NRXN3: variants seen among roughly 807,000 people sequenced by gnomAD.
The protein encoded by NRXN3 is neurexin 3.
Under a neutral mutation model 137.6 loss-of-function variants are expected in NRXN3, and 32 were observed. The ratio of observed to expected loss-of-function variants is 0.23; its 90% CI spans 0.18 to 0.31. The LOEUF (loss-of-function observed/expected upper bound fraction) is 0.31. Ranked by LOEUF, NRXN3 falls within the 10% of genes least tolerant of loss-of-function variation. NRXN3 has a pLI of 1.00. For synonymous variants in NRXN3, 798 were observed against 784.5 expected, an observed-to-expected ratio of 1.02 and a Z score of -0.29; for missense variants, 1,574 against 2,062.5, an observed-to-expected ratio of 0.76 and a Z score of 4.59.
chr14:79,485,351 C>G (rs147873843), intron 16 of NRXN3, among the ~76,000 whole-genome samples: 172 of 152,276 alleles, frequency 1.1e-3, no homozygotes, highest in South Asian at 2.1e-3. Flanking sequence ...CCACCACCCC[C>G]CAACTCCTGA....
chr14:79,171,124 A>G (rs2061734528), intron 15 of NRXN3, among the ~76,000 whole-genome samples: 1 of 152,058 alleles, frequency 6.6e-6, no homozygotes, highest in Non-Finnish European at 1.5e-5. Flanking sequence ...TACACTTCAA[A>G]AAAACATGCA....
At chr14:79,011,342 C>G (rs1331877259) in intron 15 of NRXN3, among the ~76,000 whole-genome samples, 1 of 144,284 alleles carries the variant, frequency 6.9e-6, no homozygotes, top group Non-Finnish European at 1.5e-5. Flanking sequence ...TCACAGGTTC[C>G]TTTTAATGGG....
intron 6 of NRXN3, among the ~76,000 whole-genome samples, chr14:78,653,269 T>C (rs1418314571): frequency 6.6e-6 from 1 of 152,146 alleles, no homozygotes; most frequent in Non-Finnish European, 1.5e-5. Flanking sequence ...TTACTCCTAT[T>C]TGGATAGAAT....
intron 10 of NRXN3, among the ~76,000 whole-genome samples, chr14:78,831,312 T>C (rs1437236204): frequency 1.3e-5 from 2 of 151,038 alleles, no homozygotes; most frequent in Non-Finnish European, 3.0e-5. Flanking sequence ...CTTTGGGAGG[T>C]GGATCACGAG....
At chr14:78,222,147 A>C (rs534904171) in intron 1 of NRXN3, among the ~76,000 whole-genome samples, 1 of 152,296 alleles carries the variant, frequency 6.6e-6, no homozygotes, top group South Asian at 2.1e-4. Flanking sequence ...CAGAGACATC[A>C]TTTGATTAGA....
chr14:78,933,224 C>T (rs79542944), intron 10 of NRXN3, among the ~76,000 whole-genome samples: 4,809 of 152,228 alleles, frequency 0.032, 249 homozygotes, highest in African/African-American at 0.11. Flanking sequence ...GAATGTGGCT[C>T]ATAGTTGGAG....
At chr14:78,665,058 G>A (rs1361216230) in intron 6 of NRXN3, among the ~76,000 whole-genome samples, 1 of 152,168 alleles carries the variant, frequency 6.6e-6, no homozygotes, top group Non-Finnish European at 1.5e-5. Flanking sequence ...TGTGGTGAAT[G>A]ACAGCATGTA....
intron 15 of NRXN3, among the ~76,000 whole-genome samples, chr14:78,996,845 C>T (rs568104851): frequency 3.3e-5 from 5 of 152,048 alleles, no homozygotes; most frequent in Non-Finnish European, 7.4e-5. Context: ...TTTTTATTCT[C>T]GGGCCCACAG....
At chr14:78,964,399 C>T (rs1199383243) in intron 11 of NRXN3, among the ~76,000 whole-genome samples, 2 of 152,234 alleles carry the variant, frequency 1.3e-5, no homozygotes, top group Non-Finnish European at 2.9e-5. Flanking sequence ...CTGTAACACC[C>T]ATTCTATGGA....
At chr14:78,446,866 G>A (rs2094433378) in intron 4 of NRXN3, among the ~76,000 whole-genome samples, 1 of 152,154 alleles carries the variant, frequency 6.6e-6, no homozygotes, top group Non-Finnish European at 1.5e-5. Context: ...ATCACTTCTA[G>A]GTGTCTAAGT....
Position 79,628,658 on chromosome 14 carries a change from A to C in NRXN3, c.3445-35120A>C, listed in dbSNP as rs12432291. On this transcript the variant is annotated intron_variant, in intron 16 of 20. Coordinates refer to ENST00000335750, the MANE Select transcript of NRXN3 (RefSeq NM_001330195.2). ...GCCTTCTGCTTAGGGAATGGCTAGC[A>C]GTAACAAAGCATGGTACCTGAGATC... 4.4e-3 allele frequency among the ~76,000 whole-genome samples: 671 copies of C among 152,324 alleles called. 25 individuals carry two copies. The highest frequency in any genetic ancestry group is 0.04 in the Admixed American group (615 of 15,300).
At chr14:79,340,815 T>A (rs2092569758) in intron 15 of NRXN3, among the ~76,000 whole-genome samples, 1 of 152,188 alleles carries the variant, frequency 6.6e-6, no homozygotes, top group African/African-American at 2.4e-5. Context: ...TTTTTCCTTT[T>A]CTGTAGCCAG....
At position 79,394,142 on chromosome 14, in the gene NRXN3, T is replaced by C. The variant is rs1232562028; in HGVS notation, c.3263-73079T>C. On this transcript the variant is annotated intron_variant, in intron 15 of 20. Transcript: ENST00000335750. ...TATAAAAATAAAAGATAGTGAAATC[T>C]TTTTAAAAATTGTGTTGAAAGGTAT... Among the ~76,000 whole-genome samples, 7 of 152,346 alleles carry C rather than the reference T, an allele frequency of 4.6e-5. No individual in the cohort carries two copies. In the East Asian group the frequency reaches 9.6e-4, roughly 21 times the overall value.
At chr14:78,984,747 T>C (rs2099498778) in intron 14 of NRXN3, among the ~76,000 whole-genome samples, 2 of 152,266 alleles carry the variant, frequency 1.3e-5, no homozygotes, top group South Asian at 2.1e-4. Flanking sequence ...TTCCAGGAGA[T>C]GCAGATGCTG....
intron 15 of NRXN3, among the ~76,000 whole-genome samples, chr14:79,145,214 A>G (rs920490188): frequency 1.3e-4 from 20 of 152,168 alleles, no homozygotes; most frequent in Non-Finnish European, 4.4e-5. Context: ...GTCTCAGTTC[A>G]TATGTGATTA....
At chr14:78,215,831 G>T (rs2063216866) in intron 1 of NRXN3, among the ~76,000 whole-genome samples, 1 of 151,916 alleles carries the variant, frequency 6.6e-6, no homozygotes. Flanking sequence ...TCCCACATCT[G>T]TTCTGGGTTC....
intron 4 of NRXN3, among the ~76,000 whole-genome samples, chr14:78,561,165 A>G (rs1385629794): frequency 6.6e-6 from 1 of 152,178 alleles, no homozygotes; most frequent in Non-Finnish European, 1.5e-5. Flanking sequence ...CCATCTCGAC[A>G]TGAGTCTTTA....
At position 79,020,862 on chromosome 14, in the gene NRXN3, TACACACACAC is replaced by T. The variant is rs3035451; in HGVS notation, c.3262+32746_3262+32755del. On this transcript the variant is annotated intron_variant, in intron 15 of 20. Transcript: ENST00000335750. ...ATGCGCTCTGCCTGTGCTTGCATTTTACACACACACACACACACACACACACACACACACC... is the reference window on the plus strand; with the variant it reads ...ATGCGCTCTGCCTGTGCTTGCATTTTACACACACACACACACACACACACC... 5.5e-5 allele frequency among the ~76,000 whole-genome samples: 8 copies of T among 145,092 alleles called. No homozygotes were observed. In the South Asian group the frequency reaches 6.8e-4, roughly 12 times the overall value.
intron 10 of NRXN3, among the ~76,000 whole-genome samples, chr14:78,862,783 G>A (rs972641529): frequency 1.3e-5 from 2 of 152,174 alleles, no homozygotes; most frequent in African/African-American, 4.8e-5. Context: ...TGGGAAATAT[G>A]TTTTCTCAGT....
Sources: gnomAD v4.1 joint callset for allele counts (sites outside exome capture counted in the v4.1 genomes callset) on GRCh38, gnomAD v4.1.1 for gene constraint, MANE v1.5 for transcripts, NCBI Gene and HGNC (gene_info 2026-07-23, HGNC 2026-07-21) for gene names.